Variants in ACTL8 observed in about 807,000 individuals in gnomAD.
ACTL8 encodes the protein actin like 8.
A neutral mutation model predicts 9.3 loss-of-function variants in ACTL8; 3 were observed. That is an observed-to-expected ratio of 0.32 (90% CI 0.15 to 0.83). The LOEUF (loss-of-function observed/expected upper bound fraction) is 0.83. Ranked by LOEUF, ACTL8 falls within the 40% of genes least tolerant of loss-of-function variation. The pLI is 0.57. For synonymous variants in ACTL8, 224 were observed against 205.9 expected, an observed-to-expected ratio of 1.09 and a Z score of -0.75; for missense variants, 381 against 492.2, an observed-to-expected ratio of 0.77 and a Z score of 2.14.
At chr1:17,761,997 A>G (rs1389910676) in intron 1 of ACTL8, among the ~76,000 whole-genome samples, 1 of 151,864 alleles carries the variant, frequency 6.6e-6, no homozygotes, top group African/African-American at 2.4e-5. Flanking sequence ...GGTCACCTGG[A>G]TCCCAGATGC....
chr1:17,818,122 C>T (rs1162708078), intron 1 of ACTL8, among the ~76,000 whole-genome samples: 1 of 152,182 alleles, frequency 6.6e-6, no homozygotes. Context: ...TCTTAATTTC[C>T]TCCCAAATGC....
At chr1:17,821,873 G>A (rs1025095519) in intron 1 of ACTL8, among the ~76,000 whole-genome samples, 3 of 152,094 alleles carry the variant, frequency 2.0e-5, no homozygotes. Context: ...TGATCTGGCC[G>A]CCTTGGCCTC....
At chr1:17,787,590 A>G (rs2066206871) in intron 1 of ACTL8, among the ~76,000 whole-genome samples, 1 of 152,146 alleles carries the variant, frequency 6.6e-6, no homozygotes, top group African/African-American at 2.4e-5. Context: ...TTCTTTTAAC[A>G]GCTACATAAT....
chr1:17,755,640 T>C (rs935998927), intron 1 of ACTL8, 136 bp downstream of exon 1: 6 of 151,668 alleles, frequency 4.0e-5, no homozygotes, highest in African/African-American at 1.5e-4. Context: ...AGGGTTTGTG[T>C]GTGGGGCACT....
At chr1:17,756,232 G>A (rs2065968608) in intron 1 of ACTL8, among the ~76,000 whole-genome samples, 2 of 152,070 alleles carry the variant, frequency 1.3e-5, no homozygotes, top group Admixed American at 6.5e-5. Flanking sequence ...CTCAGCCCTG[G>A]GGGCCTCTTC....
intron 1 of ACTL8, among the ~76,000 whole-genome samples, chr1:17,810,475 T>C (rs1437697679): frequency 6.6e-6 from 1 of 152,210 alleles, no homozygotes; most frequent in African/African-American, 2.4e-5. Flanking sequence ...ATTGAAAATA[T>C]AACCCATATT....
intron 1 of ACTL8, among the ~76,000 whole-genome samples, chr1:17,770,698 G>C (rs1197956247): frequency 6.6e-6 from 1 of 152,172 alleles, no homozygotes; most frequent in African/African-American, 2.4e-5. Context: ...ACCTCAGAGA[G>C]ACAGTAGTGG....
chr1:17,767,620 C>G lies in ACTL8; in HGVS notation c.-25+12116C>G, dbSNP rs1189649855. On this transcript the variant is annotated intron_variant, in intron 1 of 2. Transcript: ENST00000375406. This position sits in a 1 kb window ranked among gnomAD's most constrained non-coding sequence, Gnocchi z 4.7. ...GTGGTTATTTGGTGCGCAGTAAGCC[C>G]TTTGCTTTTTGGGTATTGACTGTAG... Among the ~76,000 whole-genome samples the G allele has an allele frequency of 6.6e-6, 1 of 152,104 alleles. No individual in the cohort carries two copies. The highest frequency in any genetic ancestry group is 6.5e-5 in the Admixed American group (1 of 15,282).
chr1:17,771,401 C>T (rs2066082328), intron 1 of ACTL8, among the ~76,000 whole-genome samples: 1 of 152,152 alleles, frequency 6.6e-6, no homozygotes, highest in Admixed American at 6.5e-5. Flanking sequence ...AGTTTGCTGA[C>T]TCCTAGTATA....
intron 1 of ACTL8, among the ~76,000 whole-genome samples, chr1:17,776,502 G>T (rs2066118643): frequency 6.6e-6 from 1 of 152,118 alleles, no homozygotes; most frequent in Non-Finnish European, 1.5e-5. Flanking sequence ...CGGCTCCTCT[G>T]CAGTCTCCCA....
intron 1 of ACTL8, among the ~76,000 whole-genome samples, chr1:17,797,590 G>A (rs1268637531): frequency 6.6e-6 from 1 of 152,186 alleles, no homozygotes; most frequent in African/African-American, 2.4e-5. Context: ...CATTTCTCAA[G>A]CTTGACCAAT....
In ACTL8 at chr1:17,809,107, A is replaced by G. The variant is rs574868624; in HGVS notation, c.-24-13878A>G. Among the ~76,000 whole-genome samples, 42 of 152,284 alleles carry G rather than the reference A, an allele frequency of 2.8e-4. 1 individual carries two copies. In the South Asian group the frequency reaches 7.9e-3, roughly 29 times the overall value. On this transcript the variant is annotated intron_variant, in intron 1 of 2. Transcript: ENST00000375406. ...ATTTTTAAAAATTTATTCATTCAAC[A>G]CAAACTGATTTAACAAAAATATGCC... is the stretch of plus-strand genomic sequence containing the variant.
At chr1:17,764,857 C>T (rs1051433955) in intron 1 of ACTL8, among the ~76,000 whole-genome samples, 2 of 152,220 alleles carry the variant, frequency 1.3e-5, no homozygotes, top group African/African-American at 4.8e-5. Flanking sequence ...ATTTAGCCTC[C>T]CTTGGAGATG....
chr1:17,769,028 G>A (rs77611505), intron 1 of ACTL8, among the ~76,000 whole-genome samples: 2,381 of 152,208 alleles, frequency 0.016, 56 homozygotes, highest in African/African-American at 0.054. Context: ...ATGAAGAGAC[G>A]GGGGGTCAGA....
intron 1 of ACTL8, among the ~76,000 whole-genome samples, chr1:17,774,168 G>A (rs1005386896): frequency 9.2e-5 from 14 of 152,216 alleles, no homozygotes; most frequent in African/African-American, 3.1e-4. Flanking sequence ...ATCTGGGCTC[G>A]TTTAGCTCCA....
intron 1 of ACTL8, among the ~76,000 whole-genome samples, chr1:17,796,644 G>A (rs2066279088): frequency 6.6e-6 from 1 of 152,158 alleles, no homozygotes; most frequent in Non-Finnish European, 1.5e-5. Context: ...GGGAATGCTG[G>A]GACTCTCCAA....
chr1:17,822,309 G>A (rs907797013), intron 1 of ACTL8, among the ~76,000 whole-genome samples: 3 of 152,086 alleles, frequency 2.0e-5, no homozygotes, highest in Non-Finnish European at 4.4e-5. Flanking sequence ...CTTATACATC[G>A]TGGCAAATAT....
intron 1 of ACTL8, 86 bp from the exon 2 acceptor site, chr1:17,822,899 T>A: frequency 4.6e-6 from 4 of 871,488 alleles, no homozygotes; most frequent in Non-Finnish European, 7.0e-6. Context: ...AGGGGGAGCC[T>A]GAGGTTTGAC....
chr1:17,792,512 G>A (rs568352667), intron 1 of ACTL8, among the ~76,000 whole-genome samples: 47 of 152,274 alleles, frequency 3.1e-4, no homozygotes, highest in African/African-American at 1.0e-3. Context: ...CCAGAGATTC[G>A]TGTACAACAT....
Sources: allele counts gnomAD v4.1 joint callset (sites outside exome capture counted in the v4.1 genomes callset), GRCh38; gene constraint gnomAD v4.1.1; non-coding constraint Gnocchi (gnomAD v3.1); transcripts MANE v1.5; gene names NCBI Gene and HGNC (gene_info 2026-07-23, HGNC 2026-07-21).